The following FLT1 variants were observed in gnomAD, a reference collection of about 807,000 sequenced individuals.
FLT1 encodes the protein fms related receptor tyrosine kinase 1.
Under a neutral mutation model 156.3 loss-of-function variants are expected in FLT1, and 49 were observed. That is an observed-to-expected ratio of 0.31 (90% CI 0.25 to 0.40). The LOEUF (loss-of-function observed/expected upper bound fraction) is 0.40, where lower values mean the gene tolerates loss of function less well. Ranked by LOEUF, FLT1 falls within the 10% of genes least tolerant of loss-of-function variation. The pLI is 1.00. For missense variants in FLT1, 1,322 were observed against 1,637.2 expected (o/e 0.81, Z 3.32); for synonymous variants, 594 against 583.8 (o/e 1.02, Z -0.25).
Position 28,379,353 on chromosome 13 carries a change from A to G in FLT1, c.2116+5532T>C, listed in dbSNP as rs543057873. ...CATCTCAAAAAAAACAAAACAAAAC[A>G]AAAAAGCATTAGTGGGAGGAGAATA... On this transcript the variant is annotated intron_variant, in intron 14 of 29. Coordinates refer to ENST00000282397, the MANE Select transcript of FLT1 (RefSeq NM_002019.4). 2.0e-5 allele frequency among the ~76,000 whole-genome samples: 3 copies of G among 152,284 alleles called. 1 individual carries two copies. The South Asian group carries it at 6.2e-4, about 32-fold the overall frequency.
At chr13:28,462,418 C>T (rs776601170) in intron 3 of FLT1, among the ~76,000 whole-genome samples, 2 of 152,200 alleles carry the variant, frequency 1.3e-5, no homozygotes, top group East Asian at 3.8e-4. Flanking sequence ...ATGGCCCCAA[C>T]ATTACTGTTC....
chr13:28,337,728 C>G (rs924500846), intron 17 of FLT1, among the ~76,000 whole-genome samples: 8 of 152,182 alleles, frequency 5.3e-5, no homozygotes, highest in African/African-American at 1.7e-4. Flanking sequence ...CAGGGGAATT[C>G]TGGTAGAAGG....
chr13:28,427,625 G>C, intron 9 of FLT1, 127 bp downstream of exon 9: 1 of 865,874 alleles, frequency 1.2e-6, no homozygotes, highest in East Asian at 2.5e-5. Context: ...TTAACGTTAA[G>C]TGTTTTTTCA....
At chr13:28,446,754 C>T (rs1878638505) in intron 3 of FLT1, among the ~76,000 whole-genome samples, 1 of 152,154 alleles carries the variant, frequency 6.6e-6, no homozygotes, top group South Asian at 2.1e-4. Flanking sequence ...AATGCAATAA[C>T]TGTAAGAATC....
intron 23 of FLT1, among the ~76,000 whole-genome samples, chr13:28,320,136 G>C (rs940081912): frequency 6.6e-6 from 1 of 152,110 alleles, no homozygotes; most frequent in African/African-American, 2.4e-5. Flanking sequence ...CACCACTTTA[G>C]ATGATGGGGA....
chr13:28,321,690 C>T (rs1295341759), intron 22 of FLT1, 105 bp from the exon 23 acceptor site: 5 of 1,160,310 alleles, frequency 4.3e-6, no homozygotes, highest in Non-Finnish European at 5.1e-6. Context: ...ATTTCACATG[C>T]TGTGAAGGGA....
intron 12 of FLT1, among the ~76,000 whole-genome samples, chr13:28,393,237 G>A (rs934260565): frequency 1.4e-4 from 21 of 152,104 alleles, no homozygotes; most frequent in Admixed American, 5.2e-4. Flanking sequence ...AGGGTTAGAC[G>A]AAAGTGTCAT....
At position 28,405,790 on chromosome 13, in the gene FLT1, C is replaced by T; in HGVS notation, c.1541G>A (p.Gly514Glu). The change falls in exon 11 of 30, where the codon GGA (glycine) becomes GAA (glutamate). Residue 514 changes from glycine to glutamate, a missense_variant. Around this residue, in one of 3 missense-constraint regions of FLT1, gnomAD observed 991 missense variants for 1,254.8 expected, o/e 0.79. Transcript: ENST00000282397. Reference sequence around the variant, plus strand: ...TTTTACAAACAATACCTTATTCTTTCCTTCTATTATTGCCATGCGCTGAGT... The same window carrying T: ...TTTTACAAACAATACCTTATTCTTTTCTTCTATTATTGCCATGCGCTGAGT... The part of the protein sequence containing the change: ...SITQRMAIIE[G>E]KNKMASTLVV... 6.4e-7 allele frequency: 1 copy of T among 1,555,646 alleles called. No individual in the cohort carries two copies. The highest frequency in any genetic ancestry group is 8.9e-7 in the Non-Finnish European group (1 of 1,127,294).
intron 27 of FLT1, among the ~76,000 whole-genome samples, chr13:28,309,357 C>CTAAATATTATTTA (rs11267512): frequency 0.2 from 30,384 of 152,086 alleles, 3,660 homozygotes; most frequent in African/African-American, 0.33. Flanking sequence ...TATTTAATGG[C>CTAAATATTATTTA]ATAATCGAGT....
intron 4 of FLT1, among the ~76,000 whole-genome samples, chr13:28,437,089 C>A (rs957912480): frequency 2.0e-5 from 3 of 152,148 alleles, no homozygotes; most frequent in East Asian, 1.9e-4. Context: ...GTATGACCTG[C>A]GAAGTTCCTG....
At chr13:28,459,396 C>T (rs1566039751) in intron 3 of FLT1, among the ~76,000 whole-genome samples, 1 of 152,150 alleles carries the variant, frequency 6.6e-6, no homozygotes. Context: ...AAACCAGTTC[C>T]TACTGGAAGA....
intron 3 of FLT1, among the ~76,000 whole-genome samples, chr13:28,455,851 C>A (rs893138526): frequency 1.3e-5 from 2 of 152,148 alleles, no homozygotes; most frequent in African/African-American, 2.4e-5. Flanking sequence ...CTACAGATGG[C>A]AAATAAGCAT....
chr13:28,325,238 G>T (rs574295718), intron 20 of FLT1, among the ~76,000 whole-genome samples: 2 of 152,274 alleles, frequency 1.3e-5, no homozygotes, highest in East Asian at 3.9e-4. Flanking sequence ...TGCTGGCTTA[G>T]CTCTTCCTGA....
At chr13:28,357,721 G>T in intron 14 of FLT1, 36 bp from the exon 15 acceptor site, 1 of 1,606,664 alleles carries the variant, frequency 6.2e-7, no homozygotes, top group South Asian at 1.1e-5. Context: ...AGTGGGCCTG[G>T]ATGACAAACA....
chr13:28,467,424 G>A (rs1879911563), intron 2 of FLT1, 97 bp downstream of exon 2: 4 of 832,852 alleles, frequency 4.8e-6, no homozygotes, highest in African/African-American at 1.7e-5. Flanking sequence ...GCAGATCACA[G>A]GAGATCACTG....
At chr13:28,394,956 G>T (rs1345079638) in intron 12 of FLT1, among the ~76,000 whole-genome samples, 1 of 152,202 alleles carries the variant, frequency 6.6e-6, no homozygotes, top group South Asian at 2.1e-4. Flanking sequence ...TCTGTGAGGG[G>T]CATGGGGAGA....
intron 14 of FLT1, among the ~76,000 whole-genome samples, 194 bp downstream of exon 14, chr13:28,384,691 A>G (rs903802346): frequency 6.6e-6 from 1 of 152,136 alleles, no homozygotes; most frequent in Non-Finnish European, 1.5e-5. Context: ...ATGGGTTAGG[A>G]ATATGGTCTG....
intron 16 of FLT1, among the ~76,000 whole-genome samples, chr13:28,342,804 C>T (rs1379601664): frequency 9.2e-5 from 14 of 152,246 alleles, no homozygotes; most frequent in Admixed American, 5.2e-4. Context: ...AAGAGCTTCC[C>T]ATAAGACCTG....
chr13:28,494,942 G>C lies in FLT1; in HGVS notation c.-99C>G, dbSNP rs917461185. Reference sequence around the variant, plus strand: ...CCTCTCGTTCGCCGCCGCCGGCCCCGCGCCCTGAGCGCCCGTCTCGCGGCT... The same window carrying C: ...CCTCTCGTTCGCCGCCGCCGGCCCCCCGCCCTGAGCGCCCGTCTCGCGGCT... On this transcript the variant is annotated 5_prime_UTR_variant, in exon 1 of 30. Transcript: ENST00000282397. The C allele has an allele frequency of 1.2e-6, 1 of 851,406 alleles. No individual in the cohort carries two copies. The highest frequency in any genetic ancestry group is 3.7e-5 in the Admixed American group (1 of 26,992). The allele number at this position is 851,406 out of a possible 1,614,324, so 52.7% of individuals were successfully genotyped here. A position where few individuals can be genotyped will look rare whatever the true frequency, so the allele number is the denominator to read the frequency against.
Sources: allele counts gnomAD v4.1 joint callset (sites outside exome capture counted in the v4.1 genomes callset), GRCh38; gene constraint gnomAD v4.1.1; regional missense constraint gnomAD v4.1.1; transcripts MANE v1.5; gene names NCBI Gene and HGNC (gene_info 2026-07-23, HGNC 2026-07-21).